The following ZKSCAN3 variants were observed in gnomAD, a reference collection of about 807,000 sequenced individuals.
The protein encoded by ZKSCAN3 is zinc finger with KRAB and SCAN domains 3, also known as zinc finger protein with KRAB and SCAN domains 3.
A neutral mutation model predicts 30.7 loss-of-function variants in ZKSCAN3; 21 were observed. The observed-to-expected ratio is 0.68, with a 90% CI of 0.49 to 0.99. The LOEUF is 0.99. Among genes scored for constraint, ZKSCAN3 ranks in the 50% least tolerant of loss-of-function variants. The probability of loss-of-function intolerance (pLI) is 0.00; values close to 1 mark genes in which losing one functional copy is unlikely to be tolerated. For missense variants in ZKSCAN3, 507 were observed against 647.1 expected (o/e 0.78, Z 2.35); for synonymous variants, 201 against 246.7 (o/e 0.81, Z 1.73).
chr6:28,365,597 G>A lies in ZKSCAN3; in HGVS notation c.929G>A (p.Gly310Glu), dbSNP rs1765927385. 1.9e-6 allele frequency: 3 copies of A among 1,614,140 alleles called. No homozygotes were observed. Among genetic ancestry groups the A allele is most frequent in the Admixed American group, 1.7e-5 (1 of 60,012 alleles). ...CAAAGAAAGCAGAAAAATGCCACAG[G>A]AGGGAGGCGGCACATCTGCCATGAA... ...RLQRKQKNAT[G>E]GRRHICHECG... Residue 310 changes from glycine to glutamate, a missense_variant, in exon 6 of 6, where the codon GGA (glycine) becomes GAA (glutamate). Coordinates refer to ENST00000252211, the MANE Select transcript of ZKSCAN3 (RefSeq NM_024493.4).
At position 28,368,589 on chromosome 6, in the gene ZKSCAN3, T is replaced by C. The variant is rs1766065138; in HGVS notation, c.*2304T>C. On this transcript the variant is annotated 3_prime_UTR_variant, in exon 6 of 6. Coordinates refer to ENST00000252211, the MANE Select transcript of ZKSCAN3 (RefSeq NM_024493.4). Reference sequence around the variant, plus strand: ...TTCAGTGGAGTTGTTTCTACAAAAGTATTTCGGAATGACTATTCTGCTGCA... The same window carrying C: ...TTCAGTGGAGTTGTTTCTACAAAAGCATTTCGGAATGACTATTCTGCTGCA... 1 of 152,650 alleles carries C rather than the reference T, an allele frequency of 6.6e-6. No homozygotes were observed. The highest frequency in any genetic ancestry group is 6.6e-5 in the Admixed American group (1 of 15,114). The allele number at this position is 152,650 out of a possible 1,614,324, so 9.5% of individuals were successfully genotyped here.
intron 1 of ZKSCAN3, among the ~76,000 whole-genome samples, chr6:28,350,915 TAGA>T (rs1764964796): frequency 6.6e-6 from 1 of 152,092 alleles, no homozygotes; most frequent in Non-Finnish European, 1.5e-5. Context: ...GGAGGAACAA[TAGA>T]AGTTTTTAAT....
At chr6:28,362,621 T>C (rs1356825847) in intron 3 of ZKSCAN3, among the ~76,000 whole-genome samples, 2 of 152,138 alleles carry the variant, frequency 1.3e-5, no homozygotes, top group African/African-American at 4.8e-5. Context: ...GGAATATATA[T>C]GCTTCCTGAA....
At chr6:28,353,804 T>C (rs1765226450) in intron 1 of ZKSCAN3, 1 of 456,608 alleles carries the variant, frequency 2.2e-6, no homozygotes, top group Non-Finnish European at 4.4e-6. Context: ...CCTACTCTTA[T>C]TTAAAAAAAG....
intron 4 of ZKSCAN3, 53 bp from the exon 5 acceptor site, chr6:28,363,639 C>T (rs1172728577): frequency 1.9e-6 from 3 of 1,608,916 alleles, no homozygotes; most frequent in African/African-American, 1.3e-5. Context: ...AGATCTTCCC[C>T]ACTCCACCAT....
chr6:28,366,194 A>G lies in ZKSCAN3; in HGVS notation c.1526A>G (p.Gln509Arg). The change falls in exon 6 of 6, where the codon CAG becomes CGG. Residue 509 changes from glutamine to arginine, a missense_variant. By Grantham distance (43) the Gln-to-Arg change is conservative. Coordinates refer to ENST00000252211, the MANE Select transcript of ZKSCAN3 (RefSeq NM_024493.4). ...ATCCACACTGGTGAGAAACCCTATC[A>G]GTGTAATGCGTGTGGAAAAGGCTTC... ...QKIHTGEKPY[Q>R]CNACGKGFTR... 1 of 1,600,308 alleles carries G rather than the reference A, an allele frequency of 6.2e-7. No individual in the cohort carries two copies. Among genetic ancestry groups the G allele is most frequent in the East Asian group, 2.2e-5 (1 of 44,844 alleles).
chr6:28,363,792 ACCATGGCAG>A lies in ZKSCAN3; in HGVS notation c.737_745del (p.His246_Ser248del). The A allele has an allele frequency of 6.2e-7, 1 of 1,613,930 alleles. No homozygotes were observed. The highest frequency in any genetic ancestry group is 8.5e-7 in the Non-Finnish European group (1 of 1,179,862). On this transcript the variant is annotated inframe_deletion, in exon 5 of 6. Transcript: ENST00000252211. ...CTCTGTAGAGATGAAAAGCAGGAGAACCATGGCAGCCTGGTCTCCCTGGGTAAGACTAAA... is the reference window on the plus strand; with the variant it reads ...CTCTGTAGAGATGAAAAGCAGGAGAACCTGGTCTCCCTGGGTAAGACTAAA...
At chr6:28,357,975 A>C (rs1765537106) in intron 1 of ZKSCAN3, among the ~76,000 whole-genome samples, 1 of 152,196 alleles carries the variant, frequency 6.6e-6, no homozygotes, top group Admixed American at 6.5e-5. Flanking sequence ...GGTTTAATTC[A>C]GTTCTATTTC....
chr6:28,363,127 AC>A (rs1765827835), intron 3 of ZKSCAN3, among the ~76,000 whole-genome samples, 175 bp from the exon 4 acceptor site: 1 of 152,084 alleles, frequency 6.6e-6, no homozygotes, highest in Admixed American at 6.5e-5. Flanking sequence ...ACAGGGTCTT[AC>A]TTTGTTGCCC....
intron 2 of ZKSCAN3, chr6:28,360,218 G>A (rs1765689943): frequency 1.4e-6 from 1 of 720,506 alleles, no homozygotes; most frequent in Admixed American, 3.0e-5. Context: ...TCAACATACA[G>A]TTTGCAAAGT....
At chr6:28,350,440 C>G (rs1764920260) in intron 1 of ZKSCAN3, 1 of 152,184 alleles carries the variant, frequency 6.6e-6, no homozygotes, top group African/African-American at 2.4e-5. Context: ...AGAGCCAGAA[C>G]GTTGGAGTCA....
Position 28,365,470 on chromosome 6 carries a change from G to A in ZKSCAN3, c.802G>A (p.Glu268Lys), listed in dbSNP as rs767030823. ...GAGCAGGGACTTGCCTCCAGCTGAGGAGCTTCCAGAAAAGGAGCATGGGAA... is the reference window on the plus strand; with the variant it reads ...GAGCAGGGACTTGCCTCCAGCTGAGAAGCTTCCAGAAAAGGAGCATGGGAA... Reference protein sequence around the residue: ...TKSRDLPPAEELPEKEHGKIS... With the variant: ...TKSRDLPPAEKLPEKEHGKIS... The change falls in exon 6 of 6, where the codon GAG becomes AAG. Residue 268 changes from glutamate (E) to lysine (K), a missense_variant. Glu to Lys is a moderately conservative substitution (Grantham distance 56, BLOSUM62 1). Coordinates refer to ENST00000252211, the MANE Select transcript of ZKSCAN3 (RefSeq NM_024493.4). The A allele has an allele frequency of 6.2e-7, 1 of 1,613,936 alleles. No individual in the cohort carries two copies. The highest frequency in any genetic ancestry group is 1.3e-5 in the African/African-American group (1 of 74,928).
Position 28,359,537 on chromosome 6 carries a change from G to C in ZKSCAN3, c.-50G>C. 6.3e-7 allele frequency: 1 copy of C among 1,576,076 alleles called. No homozygotes were observed. The highest frequency in any genetic ancestry group is 1.9e-5 in the Admixed American group (1 of 52,980). On this transcript the variant is annotated 5_prime_UTR_variant, in exon 2 of 6. Coordinates refer to ENST00000252211, the MANE Select transcript of ZKSCAN3 (RefSeq NM_024493.4). The stretch of plus-strand genomic sequence containing the variant: ...TCCCACCTTTCAGGGATCTTCTGCA[G>C]AAATAGCGCTGGAAGCTAGAGTGAG...
intron 2 of ZKSCAN3, 86 bp downstream of exon 2, chr6:28,360,074 T>C (rs1222617508): frequency 6.2e-7 from 1 of 1,605,690 alleles, no homozygotes. Context: ...TCCTTTAACA[T>C]CCAGGAGTTC....
Position 28,359,684 on chromosome 6 carries a change from G to A in ZKSCAN3, c.98G>A (p.Gly33Asp), listed in dbSNP as rs3857554. Reference protein sequence around the residue: ...LVIKVEEEEAGFPSSPDLGSE... With the variant: ...LVIKVEEEEADFPSSPDLGSE... Reference sequence around the variant, plus strand: ...ATAAAGGTGGAGGAAGAAGAAGCCGGTTTTCCCAGTAGCCCAGATCTGGGT... The same window carrying A: ...ATAAAGGTGGAGGAAGAAGAAGCCGATTTTCCCAGTAGCCCAGATCTGGGT... Residue 33 changes from glycine to aspartate, a missense_variant, in exon 2 of 6, where the codon GGT becomes GAT. Transcript: ENST00000252211. 1.2e-6 allele frequency: 2 copies of A among 1,614,094 alleles called. No individual in the cohort carries two copies. The highest frequency in any genetic ancestry group is 1.7e-6 in the Non-Finnish European group (2 of 1,180,054).
rs781393868 is a variant in ZKSCAN3, at chr6:28,366,504, A to G, written c.*219A>G. The G allele has an allele frequency of 3.4e-3, 1,386 of 411,654 alleles. 40 individuals are homozygous for G. The highest frequency in any genetic ancestry group is 1.7e-3 in the Admixed American group (43 of 24,648). The allele number at this position is 411,654 out of a possible 1,614,324, so 25.5% of individuals were successfully genotyped here. A position where few individuals can be genotyped will look rare whatever the true frequency, so the allele number is the denominator to read the frequency against. ...ATAGGAGGCTACGGGAGAGTTGTCT[A>G]GAAGAGGTAAGACCTGAAACTGTTT... On this transcript the variant is annotated 3_prime_UTR_variant, in exon 6 of 6. Transcript: ENST00000252211.
rs1449457620 is a variant in ZKSCAN3, at chr6:28,359,822, T to G, written c.236T>G (p.Met79Arg). The G allele has an allele frequency of 1.9e-6, 3 of 1,614,180 alleles. No homozygotes were observed. In the East Asian group the frequency reaches 6.7e-5, roughly 36 times the overall value. The change falls in exon 2 of 6, where the codon ATG becomes AGG. Residue 79 changes from methionine (M) to arginine (R), a missense_variant. Met to Arg is a moderately conservative substitution (Grantham distance 91, BLOSUM62 -1). Transcript: ENST00000252211. ...TGCCGACAGTGGCTGCAGCCTGAGA[T>G]GCACAGCAAGGAGCAGATCCTGGAG... ...ELCRQWLQPE[M>R]HSKEQILELL...
chr6:28,362,603 A>C (rs1765810450), intron 3 of ZKSCAN3, among the ~76,000 whole-genome samples: 1 of 152,150 alleles, frequency 6.6e-6, no homozygotes, highest in Non-Finnish European at 1.5e-5. Flanking sequence ...TATATAAGGA[A>C]TACATGAGGA....
rs1581745912 is a variant in ZKSCAN3, at chr6:28,367,783, G to T, written c.*1498G>T. On this transcript the variant is annotated 3_prime_UTR_variant, in exon 6 of 6. Transcript: ENST00000252211. ...CACCCAGGCTGGAGTGCAGTGGCGCGATCTCGGCTCACTGCAAGCTCCGCC... is the reference window on the plus strand; with the variant it reads ...CACCCAGGCTGGAGTGCAGTGGCGCTATCTCGGCTCACTGCAAGCTCCGCC... 1 of 150,358 alleles carries T rather than the reference G, an allele frequency of 6.7e-6. No homozygotes were observed. The highest frequency in any genetic ancestry group is 3.4e-3 in the Middle Eastern group (1 of 294). The allele number at this position is 150,358 out of a possible 1,614,324, so 9.3% of individuals were successfully genotyped here.
Sources: allele counts gnomAD v4.1 joint callset (sites outside exome capture counted in the v4.1 genomes callset), GRCh38; gene constraint gnomAD v4.1.1; transcripts MANE v1.5; gene names NCBI Gene and HGNC (gene_info 2026-07-23, HGNC 2026-07-21).